The following CCDC102B variants were observed in gnomAD, a reference collection of about 807,000 sequenced individuals.
The protein encoded by CCDC102B is coiled-coil domain containing 102B.
Under a neutral mutation model 57.4 loss-of-function variants are expected in CCDC102B, and 75 were observed. That is an observed-to-expected ratio of 1.31 (90% confidence interval 1.08 to 1.58). The LOEUF (loss-of-function observed/expected upper bound fraction) is 1.58, where lower values mean the gene tolerates loss of function less well. Among genes scored for constraint, CCDC102B ranks in the 40% most tolerant of loss-of-function variants. The pLI, the probability that CCDC102B is intolerant of heterozygous loss-of-function variation, is 0.00. For synonymous variants in CCDC102B, 206 were observed against 201.9 expected, an observed-to-expected ratio of 1.02 and a Z score of -0.17; for missense variants, 636 against 582.6, an observed-to-expected ratio of 1.09 and a Z score of -0.94.
chr18:68,733,508 T>TATATATATATA (rs1568222920), intron 2 of CCDC102B, among the ~76,000 whole-genome samples: 1,585 of 90,304 alleles, frequency 0.018, 55 homozygotes, highest in African/African-American at 0.053. Context: ...ATATATATAT[T>TATATATATATA]TTTTTAACTT....
intron 1 of CCDC102B, among the ~76,000 whole-genome samples, chr18:68,798,816 T>A (rs2035729857): frequency 6.6e-6 from 1 of 151,980 alleles, no homozygotes; most frequent in South Asian, 2.1e-4. Context: ...AGAAGTAAAT[T>A]ATAAAACTGA....
At chr18:69,048,800 T>G (rs1424363487) in intron 7 of CCDC102B, among the ~76,000 whole-genome samples, 1 of 152,124 alleles carries the variant, frequency 6.6e-6, no homozygotes, top group Admixed American at 6.6e-5. Flanking sequence ...GATTTCACTT[T>G]AATAACGCTG....
chr18:68,880,492 G>T (rs529686475), intron 5 of CCDC102B, among the ~76,000 whole-genome samples: 2 of 152,354 alleles, frequency 1.3e-5, no homozygotes, highest in East Asian at 3.9e-4. Flanking sequence ...CAAAGTGGGA[G>T]CCCAGGCAGA....
At chr18:68,729,237 A>AAG (rs2032750944) in intron 2 of CCDC102B, among the ~76,000 whole-genome samples, 2 of 152,252 alleles carry the variant, frequency 1.3e-5, no homozygotes, top group East Asian at 3.8e-4. Flanking sequence ...AAAGCACTGC[A>AAG]GTGGATAGAT....
chr18:68,736,258 C>T (rs1172761170), intron 2 of CCDC102B, among the ~76,000 whole-genome samples: 1 of 152,084 alleles, frequency 6.6e-6, no homozygotes, highest in African/African-American at 2.4e-5. Flanking sequence ...GCCTTAAAGT[C>T]ATTAACATTT....
intron 6 of CCDC102B, among the ~76,000 whole-genome samples, chr18:68,927,432 G>T (rs1169564872): frequency 6.6e-6 from 1 of 151,914 alleles, no homozygotes; most frequent in African/African-American, 2.4e-5. Flanking sequence ...CTGTCCCGTA[G>T]AGTGTAGACC....
At chr18:68,871,045 T>C (rs748204723) in intron 4 of CCDC102B, among the ~76,000 whole-genome samples, 1 of 152,184 alleles carries the variant, frequency 6.6e-6, no homozygotes, top group Non-Finnish European at 1.5e-5. Flanking sequence ...TACTGATAAT[T>C]TTCCAGAAGT....
intron 2 of CCDC102B, among the ~76,000 whole-genome samples, chr18:68,722,419 G>T (rs2032382735): frequency 6.6e-6 from 1 of 152,102 alleles, no homozygotes; most frequent in African/African-American, 2.4e-5. Flanking sequence ...GCTTATGAGT[G>T]CTGCTGTTAT....
At chr18:68,724,032 T>G (rs774304748) in intron 2 of CCDC102B, among the ~76,000 whole-genome samples, 20 of 152,238 alleles carry the variant, frequency 1.3e-4, no homozygotes, top group Non-Finnish European at 2.8e-4. Context: ...CAAACCTCAG[T>G]TATTGACTTC....
chr18:69,051,944 A>G (rs1376365237), intron 7 of CCDC102B, among the ~76,000 whole-genome samples: 1 of 152,020 alleles, frequency 6.6e-6, no homozygotes, highest in Non-Finnish European at 1.5e-5. Context: ...GTGAAAATAC[A>G]GAATAACATT....
intron 2 of CCDC102B, among the ~76,000 whole-genome samples, chr18:68,719,443 G>C (rs970907121): frequency 1.3e-5 from 2 of 152,190 alleles, no homozygotes; most frequent in Non-Finnish European, 2.9e-5. Flanking sequence ...AGTGATGTAA[G>C]TCATGGTGTG....
At chr18:68,730,228 A>G (rs2032796098) in intron 2 of CCDC102B, among the ~76,000 whole-genome samples, 1 of 152,166 alleles carries the variant, frequency 6.6e-6, no homozygotes, top group African/African-American at 2.4e-5. Context: ...TAGATTTCAG[A>G]TCATCATTAC....
intron 2 of CCDC102B, among the ~76,000 whole-genome samples, chr18:68,771,025 T>C (rs964982929): frequency 2.0e-5 from 3 of 152,216 alleles, no homozygotes; most frequent in African/African-American, 4.8e-5. Flanking sequence ...GGGACCTAGA[T>C]TGATATTAAT....
chr18:69,022,530 TA>T lies in CCDC102B; in HGVS notation c.1434+11427del, dbSNP rs142001537. 3.8e-3 allele frequency among the ~76,000 whole-genome samples: 573 copies of T among 152,096 alleles called. 3 individuals carry two copies. The highest frequency in any genetic ancestry group is 0.013 in the African/African-American group (540 of 41,486). ...TTTGCAACTACTCAGCAAAGAGCAA[TA>T]TTTTTTTTTCCTTCTTTTTTACCTC... On this transcript the variant is annotated intron_variant, in intron 7 of 7. Transcript: ENST00000360242.
At chr18:68,815,947 A>C (rs1454928497) in intron 1 of CCDC102B, among the ~76,000 whole-genome samples, 1 of 152,210 alleles carries the variant, frequency 6.6e-6, no homozygotes, top group Non-Finnish European at 1.5e-5. Flanking sequence ...ATAGCTTTAG[A>C]TAATTTGGAA....
At chr18:69,015,746 A>AAAT (rs2051647075) in intron 7 of CCDC102B, among the ~76,000 whole-genome samples, 3 of 152,264 alleles carry the variant, frequency 2.0e-5, no homozygotes, top group African/African-American at 7.2e-5. Context: ...TATTTTAAGC[A>AAAT]AATTTACAAA....
At chr18:68,794,452 T>C (rs1215220630), upstream of CCDC102B, among the ~76,000 whole-genome samples, 1 of 151,986 alleles carries the variant, frequency 6.6e-6, no homozygotes, top group African/African-American at 2.4e-5. Context: ...AATGACCACA[T>C]TGTTGCTCCA....
upstream of CCDC102B, among the ~76,000 whole-genome samples, chr18:68,795,144 G>A (rs930670859): frequency 6.6e-6 from 1 of 152,100 alleles, no homozygotes; most frequent in East Asian, 1.9e-4. Context: ...AAATTTGAAT[G>A]GTGAAGAAGA....
At chr18:69,024,638 G>A (rs974590720) in intron 7 of CCDC102B, among the ~76,000 whole-genome samples, 11 of 151,874 alleles carry the variant, frequency 7.2e-5, no homozygotes, top group African/African-American at 1.5e-4. Flanking sequence ...TCTTTTACGT[G>A]GGATAAAAAT....
Sources: allele counts gnomAD v4.1 joint callset (sites outside exome capture counted in the v4.1 genomes callset), GRCh38; gene constraint gnomAD v4.1.1; transcripts MANE v1.5; gene names NCBI Gene and HGNC (gene_info 2026-07-23, HGNC 2026-07-21).